RAB7A: variants seen among roughly 807,000 people sequenced by gnomAD.
The protein encoded by RAB7A is ras-related protein Rab-7a.
In RAB7A, 2 loss-of-function variants were observed where a neutral mutation model predicts 24.5. The ratio of observed to expected loss-of-function variants is 0.08; its 90% confidence interval spans 0.03 to 0.26. RAB7A has a LOEUF of 0.26. RAB7A is among the 10% of genes least tolerant of loss of function. RAB7A has a pLI of 1.00. For synonymous variants in RAB7A, 100 were observed against 95.9 expected (o/e 1.04, Z -0.25); for missense variants, 118 against 255.7 (o/e 0.46, Z 3.67).
In RAB7A at chr3:128,807,646, C is replaced by G; in HGVS notation, c.503C>G (p.Thr168Arg). 1 of 1,614,214 alleles carries G rather than the reference C, an allele frequency of 6.2e-7. No homozygotes were observed. The highest frequency in any genetic ancestry group is 8.5e-7 in the Non-Finnish European group (1 of 1,180,030). The change falls in exon 5 of 6, where the codon ACG becomes AGG. Residue 168 changes from threonine (T) to arginine (R), a missense_variant. This residue lies in a region of RAB7A where 66 missense variants were observed against 82.2 expected (regional missense o/e 0.80). Coordinates refer to ENST00000265062, the MANE Select transcript of RAB7A (RefSeq NM_004637.6). ...ATCAACGTGGAGCAGGCGTTCCAGA[C>G]GATTGCACGGAATGCACTTAAGCAG... ...EAINVEQAFQ[T>R]IARNALKQET...
intron 1 of RAB7A, among the ~76,000 whole-genome samples, chr3:128,770,392 G>A (rs562177943): frequency 2.6e-3 from 392 of 152,272 alleles, no homozygotes; most frequent in African/African-American, 9.0e-3. Context: ...CCTAGTACAG[G>A]AGCTCAGTCC....
At chr3:128,726,701 C>T (rs1282127467) in intron 1 of RAB7A, among the ~76,000 whole-genome samples, 4 of 152,198 alleles carry the variant, frequency 2.6e-5, no homozygotes, top group African/African-American at 9.6e-5. Context: ...CAGTGGAGTT[C>T]CTTAGCGCGG....
At chr3:128,743,513 A>T (rs1690011097) in intron 1 of RAB7A, among the ~76,000 whole-genome samples, 3 of 152,178 alleles carry the variant, frequency 2.0e-5, no homozygotes, top group African/African-American at 7.2e-5. Context: ...ATGCCTGACT[A>T]ATTTTTTTTG....
chr3:128,761,540 A>C (rs1394444846), intron 1 of RAB7A, among the ~76,000 whole-genome samples: 1 of 152,144 alleles, frequency 6.6e-6, no homozygotes, highest in African/African-American at 2.4e-5. Context: ...GTGCTTGGGA[A>C]ATGAATCTGT....
chr3:128,730,067 G>A (rs2070419474), intron 1 of RAB7A, among the ~76,000 whole-genome samples: 2 of 152,104 alleles, frequency 1.3e-5, no homozygotes, highest in African/African-American at 4.8e-5. Context: ...ATGCTTATCT[G>A]TTAATATTAT....
At chr3:128,812,002 A>G (rs1037300414) in intron 5 of RAB7A, among the ~76,000 whole-genome samples, 5 of 152,088 alleles carry the variant, frequency 3.3e-5, no homozygotes, top group Non-Finnish European at 7.4e-5. Context: ...GATGGTATAG[A>G]ATGGGGGTGG....
chr3:128,799,341 G>A (rs1011872656), intron 3 of RAB7A: 17 of 151,966 alleles, frequency 1.1e-4, no homozygotes, highest in African/African-American at 4.1e-4. Flanking sequence ...AGCAGGGCCT[G>A]TATACCCACC....
chr3:128,753,369 G>A (rs1368527434), intron 1 of RAB7A, among the ~76,000 whole-genome samples: 3 of 148,574 alleles, frequency 2.0e-5, no homozygotes. Context: ...GATGAAGGGG[G>A]GGGAAAAAGA....
At chr3:128,771,706 G>T (rs1315256396) in intron 1 of RAB7A, among the ~76,000 whole-genome samples, 3 of 152,228 alleles carry the variant, frequency 2.0e-5, no homozygotes, top group Non-Finnish European at 4.4e-5. Flanking sequence ...AGTAATTGCG[G>T]TTTTTGCAAT....
chr3:128,793,458 C>T (rs1279653392), intron 1 of RAB7A, among the ~76,000 whole-genome samples: 1 of 144,468 alleles, frequency 6.9e-6, no homozygotes, highest in Non-Finnish European at 1.5e-5. Flanking sequence ...CCAGCCTTTT[C>T]TATTTTTAGT....
intron 3 of RAB7A, chr3:128,798,819 T>C: frequency 7.4e-6 from 1 of 134,474 alleles, no homozygotes; most frequent in South Asian, 8.1e-5. Context: ...TGTCTCTAAA[T>C]TTAAAAAAAA....
chr3:128,737,838 T>TTG lies in RAB7A; in HGVS notation c.-9+11480_-9+11481insGT, dbSNP rs1198295897. Among the ~76,000 whole-genome samples the TTG allele has an allele frequency of 4.9e-5, 5 of 102,872 alleles. No individual in the cohort carries two copies. In the East Asian group the frequency reaches 9.4e-4, roughly 19 times the overall value. The allele number at this position is 102,872 out of a possible 152,430, so 67.5% of individuals were successfully genotyped here. On this transcript the variant is annotated intron_variant, in intron 1 of 5. Transcript: ENST00000265062. The stretch of plus-strand genomic sequence containing the variant: ...TATTTTTTTGTAGTTTTTTTTTTTT[T>TTG]TTTTTTTTTTTTTTTTTTTAAGAGA...
At chr3:128,731,581 G>A (rs1393544450) in intron 1 of RAB7A, among the ~76,000 whole-genome samples, 2 of 152,208 alleles carry the variant, frequency 1.3e-5, no homozygotes, top group African/African-American at 4.8e-5. Flanking sequence ...AGCTGAGGCT[G>A]TATGCTCAGG....
chr3:128,778,612 A>G (rs142770391), intron 1 of RAB7A, among the ~76,000 whole-genome samples: 1 of 152,270 alleles, frequency 6.6e-6, no homozygotes, highest in East Asian at 1.9e-4. Flanking sequence ...AAGTTTTTGG[A>G]GTTTTGGAAG....
chr3:128,745,772 CA>C (rs2070607714), intron 1 of RAB7A, among the ~76,000 whole-genome samples: 1 of 152,232 alleles, frequency 6.6e-6, no homozygotes, highest in African/African-American at 2.4e-5. Flanking sequence ...TGGAGGGACT[CA>C]CCCCTTACTT....
chr3:128,757,951 G>T (rs73198820), intron 1 of RAB7A, among the ~76,000 whole-genome samples: 6,303 of 151,896 alleles, frequency 0.041, 178 homozygotes, highest in Non-Finnish European at 0.058. Flanking sequence ...GAGCCACTGC[G>T]CCCAGCCTAT....
chr3:128,738,604 G>A (rs993390046), intron 1 of RAB7A, among the ~76,000 whole-genome samples: 2 of 152,098 alleles, frequency 1.3e-5, no homozygotes, highest in Middle Eastern at 3.2e-3. Context: ...TACGTCTATA[G>A]TGTTCTTTTT....
chr3:128,812,270 A>G (rs1414638964), intron 5 of RAB7A, among the ~76,000 whole-genome samples: 1 of 152,168 alleles, frequency 6.6e-6, no homozygotes, highest in Non-Finnish European at 1.5e-5. Context: ...GCTTGTCACC[A>G]TGCCTGGCTA....
chr3:128,774,647 C>A (rs541449801), intron 1 of RAB7A, among the ~76,000 whole-genome samples: 2 of 152,320 alleles, frequency 1.3e-5, no homozygotes, highest in African/African-American at 4.8e-5. Flanking sequence ...GGTCTTGGCT[C>A]ACTGCAAGCT....
Sources: allele counts gnomAD v4.1 joint callset (sites outside exome capture counted in the v4.1 genomes callset), GRCh38; gene constraint gnomAD v4.1.1; regional missense constraint gnomAD v4.1.1; transcripts MANE v1.5; gene names NCBI Gene and HGNC (gene_info 2026-07-23, HGNC 2026-07-21).